POGZ: variants seen among roughly 807,000 people sequenced by gnomAD.
The protein encoded by POGZ is pogo transposable element derived with ZNF domain.
A neutral mutation model predicts 134.6 loss-of-function variants in POGZ; 17 were observed. The observed-to-expected ratio is 0.13, with a 90% CI of 0.09 to 0.19. The LOEUF (loss-of-function observed/expected upper bound fraction) is 0.19, where lower values mean the gene tolerates loss of function less well. Ranked by LOEUF, POGZ falls within the 10% of genes least tolerant of loss-of-function variation. The probability of loss-of-function intolerance (pLI) is 1.00; values close to 1 mark genes in which losing one functional copy is unlikely to be tolerated. For synonymous variants in POGZ, 693 were observed against 657.1 expected (o/e 1.05, Z -0.84); for missense variants, 1,306 against 1,769.7 (o/e 0.74, Z 4.70).
chr1:151,419,232 C>T (rs1450141619), intron 10 of POGZ, among the ~76,000 whole-genome samples: 4 of 151,630 alleles, frequency 2.6e-5, no homozygotes, highest in African/African-American at 9.7e-5. Flanking sequence ...CATGGTGGCA[C>T]ATGCATGTAA....
chr1:151,447,834 T>C (rs1056910402), intron 1 of POGZ, among the ~76,000 whole-genome samples: 1 of 151,970 alleles, frequency 6.6e-6, no homozygotes, highest in Admixed American at 6.6e-5. Context: ...AGATACTCAA[T>C]GTGCCCTATT....
rs1653366905 is a variant in POGZ at position 151,405,267 on chromosome 1, G to A, written c.3768C>T (p.Gly1256=). 1 of 1,614,222 alleles carries A rather than the reference G, an allele frequency of 6.2e-7. No individual in the cohort carries two copies. Among genetic ancestry groups the A allele is most frequent in the Non-Finnish European group, 8.5e-7 (1 of 1,180,032 alleles). Residue 1256 remains glycine (G), a synonymous_variant, in exon 19 of 19, where the codon GGC becomes GGT. Coordinates refer to ENST00000271715, the MANE Select transcript of POGZ (RefSeq NM_015100.4). This position sits in a 1 kb window ranked among gnomAD's most constrained non-coding sequence, Gnocchi z 4.9. The part of the protein sequence containing the change: ...SSTLPAVVPA[G]CSSKIQPLDV... ...CTAATGGCTGAATTTTGGAGCTACA[G>A]CCTGCTGGGACCACTGCAGGCAAAG...
At chr1:151,458,629 G>A (rs1448216413) in intron 1 of POGZ, among the ~76,000 whole-genome samples, 1 of 142,204 alleles carries the variant, frequency 7.0e-6, no homozygotes, top group Non-Finnish European at 1.6e-5. Flanking sequence ...TCCGCCGCAC[G>A]GCCTCGCCCC....
At chr1:151,446,639 C>T (rs1224398769) in intron 1 of POGZ, among the ~76,000 whole-genome samples, 1 of 151,436 alleles carries the variant, frequency 6.6e-6, no homozygotes, top group South Asian at 2.1e-4. Flanking sequence ...GCCTGTAATC[C>T]CAGCTACTCA....
At position 151,424,184 on chromosome 1, in the gene POGZ, C is replaced by T. The variant is rs780714648; in HGVS notation, c.1288G>A (p.Ala430Thr). The T allele has an allele frequency of 5.6e-6, 9 of 1,613,958 alleles. No individual in the cohort carries two copies. The South Asian group carries it at 9.9e-5, about 18-fold the overall frequency. Reference protein sequence around the residue: ...AAKPPSPEKTAPVASTPSSTP... With the variant: ...AAKPPSPEKTTPVASTPSSTP... ...GAAGAGGGTGTGGAAGCAACAGGAGCTGTTTTCTCAGGGGATGGGGGCTTT... is the reference window on the plus strand; with the variant it reads ...GAAGAGGGTGTGGAAGCAACAGGAGTTGTTTTCTCAGGGGATGGGGGCTTT... Residue 430 changes from alanine to threonine, a missense_variant, in exon 9 of 19, where the codon GCT (alanine) becomes ACT (threonine). Transcript: ENST00000271715.
intron 1 of POGZ, among the ~76,000 whole-genome samples, chr1:151,449,900 G>A (rs1661813569): frequency 6.6e-6 from 1 of 152,082 alleles, no homozygotes; most frequent in African/African-American, 2.4e-5. Context: ...AACTCTGCAA[G>A]AGAGCAGAAC....
At chr1:151,408,385 C>T (rs753502800) in intron 14 of POGZ, 24 bp downstream of exon 14, 4 of 1,577,306 alleles carry the variant, frequency 2.5e-6, no homozygotes, top group South Asian at 2.3e-5. Flanking sequence ...CCCACCCGCC[C>T]AGCACTTAGA....
At chr1:151,451,987 C>T (rs906828728) in intron 1 of POGZ, among the ~76,000 whole-genome samples, 4 of 150,082 alleles carry the variant, frequency 2.7e-5, no homozygotes, top group Non-Finnish European at 5.9e-5. Flanking sequence ...ATCCCAGCTA[C>T]TCAGGAGGCT....
In POGZ at chr1:151,423,614, T is replaced by C. The variant is rs1657308324; in HGVS notation, c.1524-63A>G. 4 of 1,331,468 alleles carry C rather than the reference T, an allele frequency of 3.0e-6. No individual in the cohort carries two copies. The Admixed American group carries it at 6.2e-5, about 20-fold the overall frequency. 82.5% of individuals were successfully genotyped at this position (1,331,468 alleles called of 1,614,324 possible). On this transcript the variant is annotated intron_variant, in intron 9 of 18. Transcript: ENST00000271715. Reference sequence around the variant, plus strand: ...AAAAATTGGTAGCCTTTTAGAAATATAATGGTAAAATCACAGAACAAACAT... The same window carrying C: ...AAAAATTGGTAGCCTTTTAGAAATACAATGGTAAAATCACAGAACAAACAT...
intron 1 of POGZ, among the ~76,000 whole-genome samples, chr1:151,449,181 C>T (rs1661685832): frequency 6.6e-6 from 1 of 152,228 alleles, no homozygotes; most frequent in Non-Finnish European, 1.5e-5. Context: ...CCAAGCTATA[C>T]ACTACATCTG....
chr1:151,422,785 C>T (rs1044029641), intron 10 of POGZ, among the ~76,000 whole-genome samples: 4 of 152,100 alleles, frequency 2.6e-5, no homozygotes, highest in African/African-American at 4.8e-5. Flanking sequence ...AGAGATGGGG[C>T]TTCGCCATGT....
At chr1:151,421,685 G>A (rs1656942721) in intron 10 of POGZ, among the ~76,000 whole-genome samples, 2 of 152,194 alleles carry the variant, frequency 1.3e-5, no homozygotes. Flanking sequence ...AACCAGCAGG[G>A]CAGTCAAATT....
intron 10 of POGZ, among the ~76,000 whole-genome samples, chr1:151,413,659 T>C (rs960614321): frequency 6.6e-6 from 1 of 151,968 alleles, no homozygotes; most frequent in Admixed American, 6.6e-5. Context: ...TAATTCTTTT[T>C]TCTTTTTTTA....
rs1165247292 is a variant in POGZ at position 151,403,131 on chromosome 1, T to C, written c.*1671A>G. ...CTTGGTTGTTTTCAGATGTCAAAGG[T>C]TCACAAAGCTGGCCAAGCTGTTTCT... On this transcript the variant is annotated 3_prime_UTR_variant, in exon 19 of 19. Transcript: ENST00000271715. 3.9e-6 allele frequency: 3 copies of C among 772,228 alleles called. No individual in the cohort carries two copies. Among genetic ancestry groups the C allele is most frequent in the Non-Finnish European group, 4.7e-6 (3 of 635,312 alleles). The allele number at this position is 772,228 out of a possible 1,614,324, so 47.8% of individuals were successfully genotyped here.
At position 151,405,162 on chromosome 1, in the gene POGZ, T is replaced by C. The variant is rs2102141747; in HGVS notation, c.3873A>G (p.Ala1291=). ...GCTGAAGCAGGACATCAGAATCACA[T>C]GCAGTATCTGCCATTTCCCGAGCCT... The part of the protein sequence containing the change: ...KEQAREMADT[A]CDSDVLLQLV... Residue 1291 remains alanine, a synonymous_variant, in exon 19 of 19, where the codon GCA becomes GCG. Coordinates refer to ENST00000271715, the MANE Select transcript of POGZ (RefSeq NM_015100.4). This position sits in a 1 kb window ranked among gnomAD's most constrained non-coding sequence, Gnocchi z 4.9. 2 of 1,614,198 alleles carry C rather than the reference T, an allele frequency of 1.2e-6. No homozygotes were observed. Among genetic ancestry groups the C allele is most frequent in the East Asian group, 2.2e-5 (1 of 44,886 alleles).
intron 1 of POGZ, among the ~76,000 whole-genome samples, chr1:151,453,890 C>T (rs1337328605): frequency 6.6e-6 from 1 of 152,136 alleles, no homozygotes; most frequent in African/African-American, 2.4e-5. Flanking sequence ...AAACAATATA[C>T]TATTTAAAAG....
chr1:151,451,727 G>A (rs1178492844), intron 1 of POGZ, among the ~76,000 whole-genome samples: 1 of 152,024 alleles, frequency 6.6e-6, no homozygotes, highest in Non-Finnish European at 1.5e-5. Flanking sequence ...AATCCAGAAG[G>A]TGGGACATTC....
At chr1:151,439,659 A>C (rs1660204482) in intron 3 of POGZ, among the ~76,000 whole-genome samples, 1 of 152,212 alleles carries the variant, frequency 6.6e-6, no homozygotes, top group Admixed American at 6.5e-5. Flanking sequence ...ATGTTCAACA[A>C]TGGGGAATGC....
chr1:151,415,393 T>A (rs1281215014), intron 10 of POGZ, among the ~76,000 whole-genome samples: 1 of 151,802 alleles, frequency 6.6e-6, no homozygotes, highest in African/African-American at 2.4e-5. Flanking sequence ...GGGCCGGGTG[T>A]GGTGGCTCAC....
Sources: gnomAD v4.1 joint callset for allele counts (sites outside exome capture counted in the v4.1 genomes callset) on GRCh38, gnomAD v4.1.1 for gene constraint, Gnocchi (gnomAD v3.1) non-coding constraint, MANE v1.5 for transcripts, NCBI Gene and HGNC (gene_info 2026-07-23, HGNC 2026-07-21) for gene names.